Variants in HS3ST3B1 observed in about 807,000 individuals in gnomAD.
HS3ST3B1 encodes heparan sulfate-glucosamine 3-sulfotransferase 3B1, also known as heparan sulfate glucosamine 3-O-sulfotransferase 3B1.
Under a neutral mutation model 21.3 loss-of-function variants are expected in HS3ST3B1, and 13 were observed. The ratio of observed to expected loss-of-function variants is 0.61; its 90% CI spans 0.40 to 0.97. HS3ST3B1 has a LOEUF of 0.97. Ranked by LOEUF, HS3ST3B1 falls within the 50% of genes least tolerant of loss-of-function variation. The probability of loss-of-function intolerance (pLI) is 0.00; values close to 1 mark genes in which losing one functional copy is unlikely to be tolerated. For missense variants in HS3ST3B1, 459 were observed against 554.8 expected (o/e 0.83, Z 1.73); for synonymous variants, 234 against 254.8 (o/e 0.92, Z 0.78).
chr17:14,329,358 A>AAAGG (rs1909917412), intron 1 of HS3ST3B1: 1 of 110,894 alleles, frequency 9.0e-6, no homozygotes, highest in East Asian at 2.6e-4. Context: ...AGAAAGAAAG[A>AAAGG]AAGAAAGAAA....
chr17:14,313,293 T>C (rs1034523040), intron 1 of HS3ST3B1, among the ~76,000 whole-genome samples: 32 of 151,738 alleles, frequency 2.1e-4, no homozygotes, highest in African/African-American at 7.8e-4. Flanking sequence ...AAAGCTGATC[T>C]GGCCCACCCC....
At chr17:14,325,878 C>T (rs1017998738) in intron 1 of HS3ST3B1, among the ~76,000 whole-genome samples, 1 of 152,196 alleles carries the variant, frequency 6.6e-6, no homozygotes, top group Non-Finnish European at 1.5e-5. Flanking sequence ...TCTGTCTTAG[C>T]ATTTGTTCCT....
rs1908911017 is a variant in HS3ST3B1 at position 14,301,396 on chromosome 17, C to T, written c.-123C>T. Reference sequence around the variant, plus strand: ...AGCAGCAGCGGCGGCCGCGGGCACACGGGGGCAATAAACCGAGCCACCCGG... The same window carrying T: ...AGCAGCAGCGGCGGCCGCGGGCACATGGGGGCAATAAACCGAGCCACCCGG... On this transcript the variant is annotated 5_prime_UTR_variant, in exon 1 of 2. In the 5' UTR this introduces an upstream ATG that the reference lacks. Coordinates refer to ENST00000360954, the MANE Select transcript of HS3ST3B1 (RefSeq NM_006041.3). The T allele has an allele frequency of 1.2e-6, 1 of 859,488 alleles. No individual in the cohort carries two copies. The highest frequency in any genetic ancestry group is 4.2e-5 in the Admixed American group (1 of 24,066). The allele number at this position is 859,488 out of a possible 1,614,324, so 53.2% of individuals were successfully genotyped here.
intron 1 of HS3ST3B1, among the ~76,000 whole-genome samples, chr17:14,326,009 G>C (rs1235067213): frequency 6.6e-6 from 1 of 152,140 alleles, no homozygotes; most frequent in Non-Finnish European, 1.5e-5. Context: ...ATGACTCTGT[G>C]TGTGTGTGTG....
chr17:14,329,367 A>AAGAAAGAAAGAAAGAAAGAAAAGG (rs1555549453), intron 1 of HS3ST3B1: 17 of 106,224 alleles, frequency 1.6e-4, no homozygotes, highest in East Asian at 5.8e-4. Flanking sequence ...GAAAGAAAGA[A>AAGAAAGAAAGAAAGAAAGAAAAGG]AAGGAAGGAA....
At position 14,301,145 on chromosome 17, in the gene HS3ST3B1, T is replaced by TGCAAGGAG; in HGVS notation, c.-370_-363dup. 1 of 238,160 alleles carries TGCAAGGAG rather than the reference T, an allele frequency of 4.2e-6. No homozygotes were observed. Among genetic ancestry groups the TGCAAGGAG allele is most frequent in the South Asian group, 1.1e-4 (1 of 9,262 alleles). The allele number at this position is 238,160 out of a possible 1,614,324, so 14.8% of individuals were successfully genotyped here. A position where few individuals can be genotyped will look rare whatever the true frequency, so the allele number is the denominator to read the frequency against. On this transcript the variant is annotated 5_prime_UTR_variant, in exon 1 of 2. Transcript: ENST00000360954. ...CTGCTCGAGGCTCAGTTCTTAGGACTGCAAGGAGGCAGCCCCGGCGTGCGG... is the reference window on the plus strand; with the variant it reads ...CTGCTCGAGGCTCAGTTCTTAGGACTGCAAGGAGGCAAGGAGGCAGCCCCGGCGTGCGG...
intron 1 of HS3ST3B1, among the ~76,000 whole-genome samples, chr17:14,325,037 T>C (rs1298020826): frequency 6.6e-6 from 1 of 152,246 alleles, no homozygotes; most frequent in East Asian, 1.9e-4. Context: ...CAAATGACTA[T>C]GGACCTGATC....
chr17:14,341,388 A>C (rs1233541053), intron 1 of HS3ST3B1, among the ~76,000 whole-genome samples: 4 of 152,208 alleles, frequency 2.6e-5, no homozygotes, highest in African/African-American at 9.6e-5. Context: ...CCTGTGCACA[A>C]GTCTTGCTTC....
At chr17:14,319,829 A>G (rs562361586) in intron 1 of HS3ST3B1, among the ~76,000 whole-genome samples, 1 of 152,040 alleles carries the variant, frequency 6.6e-6, no homozygotes, top group Admixed American at 6.6e-5. Context: ...GTTTGGCTAC[A>G]TGGATAAGTT....
At chr17:14,330,739 T>G (rs1262815963) in intron 1 of HS3ST3B1, among the ~76,000 whole-genome samples, 1 of 152,056 alleles carries the variant, frequency 6.6e-6, no homozygotes, top group Non-Finnish European at 1.5e-5. Context: ...GGAATGAAGC[T>G]GGGAGCAGGG....
At chr17:14,309,513 GC>G (rs1909238683) in intron 1 of HS3ST3B1, among the ~76,000 whole-genome samples, 1 of 147,778 alleles carries the variant, frequency 6.8e-6, no homozygotes, top group South Asian at 2.3e-4. Context: ...ATGGTGTTCC[GC>G]CTGAGAGGAG....
At chr17:14,338,599 C>T (rs1293227711) in intron 1 of HS3ST3B1, among the ~76,000 whole-genome samples, 6 of 151,548 alleles carry the variant, frequency 4.0e-5, no homozygotes, top group Non-Finnish European at 7.4e-5. Flanking sequence ...TGTGCCACTG[C>T]GCCTGGCTAA....
At chr17:14,332,734 G>A (rs1377123158) in intron 1 of HS3ST3B1, among the ~76,000 whole-genome samples, 2 of 151,438 alleles carry the variant, frequency 1.3e-5, no homozygotes, top group Non-Finnish European at 1.5e-5. Flanking sequence ...CTGAGGCCAA[G>A]GAGCGGCTTG....
chr17:14,324,034 C>T (rs1269326633), intron 1 of HS3ST3B1, among the ~76,000 whole-genome samples: 10 of 152,100 alleles, frequency 6.6e-5, no homozygotes, highest in Admixed American at 5.9e-4. Flanking sequence ...GGTGCACCCC[C>T]GACCCCTGCC....
At chr17:14,307,594 T>A (rs1331210508) in intron 1 of HS3ST3B1, among the ~76,000 whole-genome samples, 1 of 152,210 alleles carries the variant, frequency 6.6e-6, no homozygotes, top group Non-Finnish European at 1.5e-5. Flanking sequence ...AGGAATTTTT[T>A]TAAAAACTCA....
intron 1 of HS3ST3B1, among the ~76,000 whole-genome samples, chr17:14,313,285 A>C (rs1316235051): frequency 1.3e-5 from 2 of 151,562 alleles, no homozygotes; most frequent in Non-Finnish European, 2.9e-5. Flanking sequence ...TCTTATATAA[A>C]GCTGATCTGG....
intron 1 of HS3ST3B1, chr17:14,305,649 A>G (rs1909110866): frequency 6.6e-6 from 1 of 152,038 alleles, no homozygotes; most frequent in African/African-American, 2.4e-5. Flanking sequence ...AGCGGCAGAA[A>G]CTCCCTCTAC....
At chr17:14,341,492 T>C (rs1270912497) in intron 1 of HS3ST3B1, among the ~76,000 whole-genome samples, 5 of 152,320 alleles carry the variant, frequency 3.3e-5, no homozygotes, top group Non-Finnish European at 7.4e-5. Context: ...AAAGCTAACT[T>C]TGCAGTTCTT....
intron 1 of HS3ST3B1, among the ~76,000 whole-genome samples, chr17:14,316,688 C>T (rs1909510956): frequency 6.6e-6 from 1 of 152,086 alleles, no homozygotes; most frequent in African/African-American, 2.4e-5. Flanking sequence ...GAGCTGCAAA[C>T]GAAGCCAATA....
Sources: gnomAD v4.1 joint callset for allele counts (sites outside exome capture counted in the v4.1 genomes callset) on GRCh38, gnomAD v4.1.1 for gene constraint, MANE v1.5 for transcripts, NCBI Gene and HGNC (gene_info 2026-07-23, HGNC 2026-07-21) for gene names.